The following TSNARE1 variants were observed in gnomAD, a reference collection of about 807,000 sequenced individuals.
TSNARE1 encodes the protein t-SNARE domain-containing protein 1.
TSNARE1 carries 49 observed loss-of-function variants against 62.0 expected under a neutral mutation model. The ratio of observed to expected loss-of-function variants is 0.79; its 90% confidence interval spans 0.63 to 1.00. TSNARE1 has a LOEUF of 1.00. TSNARE1 is among the 50% of genes least tolerant of loss of function. The pLI, the probability that TSNARE1 is intolerant of heterozygous loss-of-function variation, is 0.00. For missense variants in TSNARE1, 755 were observed against 700.1 expected, an observed-to-expected ratio of 1.08 and a Z score of -0.88; for synonymous variants, 328 against 294.4, an observed-to-expected ratio of 1.11 and a Z score of -1.17.
At chr8:142,317,919 C>T (rs1038644413) in intron 7 of TSNARE1, among the ~76,000 whole-genome samples, 6 of 152,186 alleles carry the variant, frequency 3.9e-5, no homozygotes, top group African/African-American at 1.2e-4. Flanking sequence ...GATCATGCCA[C>T]TGCACTTCAG....
Position 142,300,450 on chromosome 8 carries a change from G to A in TSNARE1, c.1290+36C>T, listed in dbSNP as rs57442357. 856 of 1,577,524 alleles carry A rather than the reference G, an allele frequency of 5.4e-4. 3 individuals carry two copies. In the African/African-American group the frequency reaches 9.7e-3, roughly 18 times the overall value. ...TCTGGTTCCCAGCCTCATGTGGAGT[G>A]TGGAGAGTGAGCACGCTTGCCCACG... On this transcript the variant is annotated intron_variant, in intron 10 of 13. Transcript: ENST00000524325.
chr8:142,334,245 C>T (rs1038231742), intron 4 of TSNARE1, among the ~76,000 whole-genome samples: 15 of 152,240 alleles, frequency 9.9e-5, no homozygotes, highest in Non-Finnish European at 1.9e-4. Flanking sequence ...AAATCTTCTA[C>T]CCCATGGCTG....
At chr8:142,274,307 G>T in intron 12 of TSNARE1, 1 of 985,458 alleles carries the variant, frequency 1.0e-6, no homozygotes, top group Non-Finnish European at 1.2e-6. Context: ...GGCCCAGTGA[G>T]TGGCTAGTCC....
chr8:142,289,597 T>C (rs568790277), intron 10 of TSNARE1, among the ~76,000 whole-genome samples: 1 of 152,130 alleles, frequency 6.6e-6, no homozygotes, highest in Admixed American at 6.5e-5. Flanking sequence ...TGGGGCAGGG[T>C]GCACCCTGGC....
At chr8:142,328,485 G>C (rs1830559596) in intron 6 of TSNARE1, among the ~76,000 whole-genome samples, 1 of 152,200 alleles carries the variant, frequency 6.6e-6, no homozygotes. Flanking sequence ...AATGCGTAAG[G>C]GATAAATATT....
At chr8:142,284,558 C>T in intron 10 of TSNARE1, 73 bp from the exon 11 acceptor site, 1 of 1,280,374 alleles carries the variant, frequency 7.8e-7, no homozygotes, top group East Asian at 2.3e-5. Flanking sequence ...GAAAGTTTCC[C>T]ATGGAACCTG....
chr8:142,396,869 G>C (rs902325229), intron 1 of TSNARE1, among the ~76,000 whole-genome samples: 2 of 152,222 alleles, frequency 1.3e-5, no homozygotes, highest in Non-Finnish European at 2.9e-5. Flanking sequence ...CAGAATCCAA[G>C]ACAGCCTGAC....
chr8:142,233,364 G>C (rs1242044351), intron 12 of TSNARE1, among the ~76,000 whole-genome samples: 3 of 152,028 alleles, frequency 2.0e-5, no homozygotes, highest in African/African-American at 7.2e-5. Flanking sequence ...AGCCCACCTA[G>C]AGCCCCCACT....
At chr8:142,259,671 C>A (rs1239751444) in intron 12 of TSNARE1, among the ~76,000 whole-genome samples, 1 of 152,320 alleles carries the variant, frequency 6.6e-6, no homozygotes, top group African/African-American at 2.4e-5. Flanking sequence ...GACACAGGCC[C>A]ACGTCCCCCA....
Position 142,331,777 on chromosome 8 carries a change from T to C in TSNARE1, c.800A>G (p.Asn267Ser), listed in dbSNP as rs573183661. The C allele has an allele frequency of 1.7e-5, 28 of 1,605,188 alleles. No individual in the cohort carries two copies. Among genetic ancestry groups the C allele is most frequent in the African/African-American group, 9.4e-5 (7 of 74,824 alleles). Residue 267 changes from asparagine to serine, a missense_variant, in exon 5 of 14, where the codon AAC becomes AGC. By Grantham distance (46) the Asn-to-Ser change is conservative. Transcript: ENST00000524325. ...ACCACTGGAGTTGATTCGGAAGACG[T>C]TGGCCGACATCTCCTGGAACAGCTC... is the stretch of plus-strand genomic sequence containing the variant. ...LQELFQEMSANVFRINSSVTS... is the reference protein window; with the variant it reads ...LQELFQEMSASVFRINSSVTS...
chr8:142,219,094 G>C (rs1402047528), intron 13 of TSNARE1, among the ~76,000 whole-genome samples: 2 of 152,156 alleles, frequency 1.3e-5, no homozygotes, highest in African/African-American at 4.8e-5. Context: ...CCCTGTCAGG[G>C]CTGGCTGAAG....
At chr8:142,343,775 G>A (rs1422822457) in intron 4 of TSNARE1, among the ~76,000 whole-genome samples, 191 bp downstream of exon 4, 1 of 83,960 alleles carries the variant, frequency 1.2e-5, no homozygotes, top group Admixed American at 1.1e-4. Context: ...GGGAGAAGAG[G>A]AGGAGGAGGA....
chr8:142,309,691 G>GAGAC (rs1563882555), intron 9 of TSNARE1, among the ~76,000 whole-genome samples: 1 of 152,148 alleles, frequency 6.6e-6, no homozygotes, highest in East Asian at 1.9e-4. Context: ...GTTCATAACA[G>GAGAC]AGACAGGCAT....
At chr8:142,256,380 CAT>C (rs1818568681) in intron 12 of TSNARE1, among the ~76,000 whole-genome samples, 1 of 268 alleles carries the variant, frequency 3.7e-3, no homozygotes, top group Non-Finnish European at 7.0e-3. Flanking sequence ...TCACCACCAT[CAT>C]CATCACCAAT....
chr8:142,300,315 A>G, intron 10 of TSNARE1, 171 bp downstream of exon 10: 2 of 690,344 alleles, frequency 2.9e-6, no homozygotes, highest in Non-Finnish European at 4.6e-6. Context: ...CCCTTATTGG[A>G]CCAGATGGCC....
At chr8:142,294,297 C>T (rs1186897976) in intron 10 of TSNARE1, among the ~76,000 whole-genome samples, 2 of 152,136 alleles carry the variant, frequency 1.3e-5, no homozygotes, top group African/African-American at 4.8e-5. Context: ...ACCTCGCTAA[C>T]ACCTGGGGAA....
intron 13 of TSNARE1, among the ~76,000 whole-genome samples, chr8:142,217,705 G>A (rs1222253985): frequency 6.6e-6 from 1 of 152,274 alleles, no homozygotes; most frequent in Non-Finnish European, 1.5e-5. Context: ...TTCAGCCTGT[G>A]ACCAAGGTCA....
intron 13 of TSNARE1, among the ~76,000 whole-genome samples, chr8:142,226,907 T>C (rs1365327118): frequency 6.6e-6 from 1 of 151,006 alleles, no homozygotes. Context: ...ATGGACACAA[T>C]AACAAGTCCC....
intron 11 of TSNARE1, chr8:142,278,225 A>C: frequency 1.0e-6 from 1 of 985,442 alleles, no homozygotes; most frequent in Non-Finnish European, 1.2e-6. Flanking sequence ...GGCTGGGTCT[A>C]CATGCGTCTC....
Sources: gnomAD v4.1 joint callset for allele counts (sites outside exome capture counted in the v4.1 genomes callset) on GRCh38, gnomAD v4.1.1 for gene constraint, MANE v1.5 for transcripts, NCBI Gene and HGNC (gene_info 2026-07-23, HGNC 2026-07-21) for gene names.